The following TMPRSS12 variants were observed in gnomAD, a reference collection of about 807,000 sequenced individuals.
TMPRSS12 encodes the protein transmembrane serine protease 12.
A neutral mutation model predicts 26.0 loss-of-function variants in TMPRSS12; 25 were observed. The ratio of observed to expected loss-of-function variants is 0.96; its 90% CI spans 0.70 to 1.34. The LOEUF (loss-of-function observed/expected upper bound fraction) is 1.34, where lower values mean the gene tolerates loss of function less well. TMPRSS12 is among the 40% of genes most tolerant of loss of function. The probability of loss-of-function intolerance (pLI) is 0.00; values close to 1 mark genes in which losing one functional copy is unlikely to be tolerated. For synonymous variants in TMPRSS12, 150 were observed against 161.7 expected (o/e 0.93, Z 0.55); for missense variants, 441 against 440.1 (o/e 1.00, Z -0.02).
In TMPRSS12 at chr12:50,842,969, G is replaced by T. The variant is rs1427783706; in HGVS notation, c.5G>T (p.Arg2Leu). The change falls in exon 1 of 5, where the codon CGG becomes CTG. Residue 2 changes from arginine to leucine, a missense_variant. By Grantham distance (102) the Arg-to-Leu change is moderately radical. Transcript: ENST00000398458. M[R>L]LGLLSVALLF... ...TCTTGCTCACCAGCCTCCAAAATGC[G>T]GCTGGGGCTCCTGAGCGTGGCGCTG... 6.3e-7 allele frequency: 1 copy of T among 1,585,978 alleles called. No homozygotes were observed. Among genetic ancestry groups the T allele is most frequent in the Non-Finnish European group, 8.6e-7 (1 of 1,164,856 alleles).
chr12:50,880,213 A>G (rs544177925), intron 3 of TMPRSS12, among the ~76,000 whole-genome samples: 9 of 152,078 alleles, frequency 5.9e-5, no homozygotes, highest in African/African-American at 1.9e-4. Flanking sequence ...CCTGAGCAAC[A>G]AAGCAAGATC....
chr12:50,868,365 C>G (rs1443540855), intron 3 of TMPRSS12, among the ~76,000 whole-genome samples: 1 of 152,118 alleles, frequency 6.6e-6, no homozygotes, highest in African/African-American at 2.4e-5. Flanking sequence ...TCAGACAAAA[C>G]AAACTTTAAT....
rs747929698 is a variant in TMPRSS12, at chr12:50,843,118, C to T, written c.154C>T (p.Arg52Trp). Residue 52 changes from arginine (R) to tryptophan (W), a missense_variant, in exon 1 of 5, where the codon CGG becomes TGG. By Grantham distance (101) the Arg-to-Trp change is moderately radical. Coordinates refer to ENST00000398458, the MANE Select transcript of TMPRSS12 (RefSeq NM_182559.3). ...QQAEAVRKRL[R>W]RRREGGAHAE... ...GGCTGAGGCCGTCCGCAAGAGGCTC[C>T]GGCGGCGGAGGGAGGGAGGGGCGCA... 24 of 1,575,604 alleles carry T rather than the reference C, an allele frequency of 1.5e-5. No homozygotes were observed. The highest frequency in any genetic ancestry group is 4.6e-5 in the East Asian group (2 of 43,292).
At chr12:50,876,441 C>T (rs1938113387) in intron 3 of TMPRSS12, among the ~76,000 whole-genome samples, 1 of 152,188 alleles carries the variant, frequency 6.6e-6, no homozygotes, top group Non-Finnish European at 1.5e-5. Context: ...AAGACGCATG[C>T]ACTCCTATGT....
At chr12:50,870,634 T>A (rs1347957069) in intron 3 of TMPRSS12, among the ~76,000 whole-genome samples, 1 of 152,016 alleles carries the variant, frequency 6.6e-6, no homozygotes, top group Non-Finnish European at 1.5e-5. Context: ...ATAAAGGGCA[T>A]CCAAATCAGT....
intron 3 of TMPRSS12, among the ~76,000 whole-genome samples, chr12:50,874,558 C>T (rs1401973035): frequency 2.0e-5 from 3 of 152,016 alleles, no homozygotes; most frequent in Admixed American, 1.3e-4. Flanking sequence ...AATAAGAAGT[C>T]CTAGCCATAG....
At chr12:50,880,533 G>A (rs1177192165) in intron 3 of TMPRSS12, among the ~76,000 whole-genome samples, 1 of 152,144 alleles carries the variant, frequency 6.6e-6, no homozygotes, top group Non-Finnish European at 1.5e-5. Flanking sequence ...TGAGGAGAAT[G>A]TAAAATGGTA....
At chr12:50,870,338 TA>T (rs59049023) in intron 3 of TMPRSS12, among the ~76,000 whole-genome samples, 1 of 149,506 alleles carries the variant, frequency 6.7e-6, no homozygotes, top group African/African-American at 2.5e-5. Flanking sequence ...TACACAGAAT[TA>T]AAAAAAAAAA....
chr12:50,844,492 GC>G (rs1937749712), intron 2 of TMPRSS12, among the ~76,000 whole-genome samples: 1 of 151,828 alleles, frequency 6.6e-6, no homozygotes, highest in Non-Finnish European at 1.5e-5. Context: ...TTCTGCCTCA[GC>G]CCCCGGAGTA....
rs181270225 is a variant in TMPRSS12 at position 50,860,004 on chromosome 12, C to T, written c.652+951C>T. ...ACAACTTTTTGAGGGGTCTATTTTT[C>T]CTTGTGGGATAGGAGAGAAAATTCT... is the stretch of plus-strand genomic sequence containing the variant. On this transcript the variant is annotated intron_variant, in intron 3 of 4. Coordinates refer to ENST00000398458, the MANE Select transcript of TMPRSS12 (RefSeq NM_182559.3). 3.0e-3 allele frequency among the ~76,000 whole-genome samples: 463 copies of T among 152,184 alleles called. 4 individuals carry two copies. Among genetic ancestry groups the T allele is most frequent in the African/African-American group, 0.011 (439 of 41,536 alleles).
chr12:50,877,133 C>T (rs1377141424), intron 3 of TMPRSS12, among the ~76,000 whole-genome samples: 1 of 152,110 alleles, frequency 6.6e-6, no homozygotes, highest in Non-Finnish European at 1.5e-5. Context: ...CAATTATACC[C>T]TGGGTGACAG....
intron 3 of TMPRSS12, among the ~76,000 whole-genome samples, chr12:50,863,842 A>G (rs1248390214): frequency 6.6e-6 from 1 of 152,208 alleles, no homozygotes; most frequent in African/African-American, 2.4e-5. Context: ...GAATCTACAC[A>G]CACATTGTAT....
At chr12:50,883,602 G>C (rs1938196131) in intron 3 of TMPRSS12, among the ~76,000 whole-genome samples, 1 of 152,132 alleles carries the variant, frequency 6.6e-6, no homozygotes, top group African/African-American at 2.4e-5. Flanking sequence ...AGGATTACTT[G>C]AACCCAAGAA....
chr12:50,871,881 A>T (rs1017081855), intron 3 of TMPRSS12, among the ~76,000 whole-genome samples: 4 of 152,140 alleles, frequency 2.6e-5, no homozygotes, highest in African/African-American at 9.7e-5. Flanking sequence ...CAAAACCACA[A>T]TGCAATACCA....
At chr12:50,843,306 G>A (rs1378058323) in intron 1 of TMPRSS12, among the ~76,000 whole-genome samples, 155 bp downstream of exon 1, 1 of 152,228 alleles carries the variant, frequency 6.6e-6, no homozygotes, top group Non-Finnish European at 1.5e-5. Context: ...TGTAATAACA[G>A]TAGTTGTAAT....
chr12:50,878,461 C>T (rs1187869152), intron 3 of TMPRSS12, among the ~76,000 whole-genome samples: 3 of 152,000 alleles, frequency 2.0e-5, no homozygotes, highest in Admixed American at 6.6e-5. Context: ...AGCTATAGTC[C>T]CAGCTACTTG....
chr12:50,880,566 G>T (rs1049788236), intron 3 of TMPRSS12, among the ~76,000 whole-genome samples: 5 of 152,154 alleles, frequency 3.3e-5, no homozygotes, highest in Non-Finnish European at 7.4e-5. Context: ...AAAACAGTTT[G>T]ACGGTTTCTG....
chr12:50,870,149 G>A (rs1938028719), intron 3 of TMPRSS12, among the ~76,000 whole-genome samples: 1 of 152,020 alleles, frequency 6.6e-6, no homozygotes, highest in South Asian at 2.1e-4. Context: ...AGCCAAGATT[G>A]TGCCACTGCA....
intron 2 of TMPRSS12, among the ~76,000 whole-genome samples, chr12:50,844,273 C>T (rs1011835249): frequency 3.3e-5 from 5 of 152,002 alleles, no homozygotes; most frequent in South Asian, 2.1e-4. Context: ...GTATACATGT[C>T]CATGGTGGTT....
Sources: allele counts gnomAD v4.1 joint callset (sites outside exome capture counted in the v4.1 genomes callset), GRCh38; gene constraint gnomAD v4.1.1; transcripts MANE v1.5; gene names NCBI Gene and HGNC (gene_info 2026-07-23, HGNC 2026-07-21).